Variants in RGS22 observed in about 807,000 individuals in gnomAD.
The protein encoded by RGS22 is regulator of G protein signaling 22.
RGS22 carries 148 observed loss-of-function variants against 172.9 expected under a neutral mutation model. The observed-to-expected ratio is 0.86, with a 90% CI of 0.75 to 0.98. The LOEUF (loss-of-function observed/expected upper bound fraction) is 0.98. Among genes scored for constraint, RGS22 ranks in the 50% least tolerant of loss-of-function variants. The probability of loss-of-function intolerance (pLI) is 0.00; values close to 1 mark genes in which losing one functional copy is unlikely to be tolerated. For synonymous variants in RGS22, 458 were observed against 480.2 expected (o/e 0.95, Z 0.60); for missense variants, 1,347 against 1,440.8 (o/e 0.93, Z 1.05).
intron 6 of RGS22, among the ~76,000 whole-genome samples, chr8:100,070,685 C>CA (rs35438970): frequency 1.2e-4 from 18 of 150,544 alleles, no homozygotes; most frequent in Middle Eastern, 3.4e-3. Flanking sequence ...GTAGTTATGC[C>CA]AAAAAAAAGA....
rs1181258270 is a variant in RGS22, at chr8:100,032,980, A to G, written c.2166+5951T>C. Among the ~76,000 whole-genome samples the G allele has an allele frequency of 5.9e-5, 9 of 152,324 alleles. No individual in the cohort carries two copies. In the South Asian group the frequency reaches 1.9e-3, roughly 32 times the overall value. The stretch of plus-strand genomic sequence containing the variant: ...TTCTTTGAAACCAATGAGAACAGAG[A>G]CACAATGTACCAGAATCTCTGGGAC... On this transcript the variant is annotated intron_variant, in intron 14 of 27. Transcript: ENST00000360863.
chr8:100,007,375 G>A (rs767629300), intron 15 of RGS22, among the ~76,000 whole-genome samples: 13 of 152,054 alleles, frequency 8.5e-5, no homozygotes, highest in Non-Finnish European at 1.6e-4. Context: ...GCCTCCACCC[G>A]TTAATAAAAT....
chr8:100,048,731 A>G (rs1820984089), intron 10 of RGS22, among the ~76,000 whole-genome samples: 1 of 152,144 alleles, frequency 6.6e-6, no homozygotes, highest in Non-Finnish European at 1.5e-5. Flanking sequence ...TATAAATGAG[A>G]GTTACCACAA....
chr8:99,999,270 T>G lies in RGS22; in HGVS notation c.2941A>C (p.Lys981Gln). Residue 981 changes from lysine (K) to glutamine (Q), a missense_variant, in exon 19 of 28, where the codon AAG becomes CAG. Lys to Gln is a moderately conservative substitution (Grantham distance 53). Transcript: ENST00000360863. Reference sequence around the variant, plus strand: ...TATACTAATTTATATACCTTTATCTTCTGACGTGCTGCAAACTGTTCACTT... The same window carrying G: ...TATACTAATTTATATACCTTTATCTGCTGACGTGCTGCAAACTGTTCACTT... ...LASEQFAARQ[K>Q]IKVQMKDIAE... 6.2e-7 allele frequency: 1 copy of G among 1,613,644 alleles called. No homozygotes were observed. The highest frequency in any genetic ancestry group is 8.5e-7 in the Non-Finnish European group (1 of 1,179,856).
chr8:99,966,927 A>C (rs1057273321), intron 23 of RGS22, among the ~76,000 whole-genome samples: 3 of 152,138 alleles, frequency 2.0e-5, no homozygotes, highest in Non-Finnish European at 4.4e-5. Flanking sequence ...TAGGTACCTC[A>C]TCTGGCAAGA....
At chr8:100,041,162 A>G (rs1024851642) in intron 12 of RGS22, among the ~76,000 whole-genome samples, 9 of 152,190 alleles carry the variant, frequency 5.9e-5, no homozygotes, top group African/African-American at 2.2e-4. Flanking sequence ...TTATCAGGGT[A>G]GCTGTACCAT....
At chr8:99,996,358 A>G (rs1249432966) in intron 20 of RGS22, 104 bp downstream of exon 20, 5 of 886,380 alleles carry the variant, frequency 5.6e-6, no homozygotes, top group Non-Finnish European at 9.1e-6. Context: ...AGTTTAGAAA[A>G]CAGTGTGTCC....
intron 3 of RGS22, among the ~76,000 whole-genome samples, chr8:100,089,795 A>G (rs989276693): frequency 1.3e-5 from 2 of 152,122 alleles, no homozygotes; most frequent in Non-Finnish European, 1.5e-5. Flanking sequence ...TCGGGATAAA[A>G]ACAAGACCAG....
chr8:100,015,474 G>T (rs1266035256), intron 14 of RGS22, among the ~76,000 whole-genome samples: 1 of 152,032 alleles, frequency 6.6e-6, no homozygotes, highest in African/African-American at 2.4e-5. Context: ...TGTATTTTTC[G>T]TAGAGACAGG....
At chr8:100,103,135 G>C (rs1341633669) in intron 2 of RGS22, among the ~76,000 whole-genome samples, 1 of 152,228 alleles carries the variant, frequency 6.6e-6, no homozygotes, top group Non-Finnish European at 1.5e-5. Flanking sequence ...GCCAGGGTAA[G>C]AGTGATAGGA....
chr8:99,981,386 C>T (rs1812531658), intron 22 of RGS22, among the ~76,000 whole-genome samples: 1 of 151,984 alleles, frequency 6.6e-6, no homozygotes. Context: ...TCTTGGGACA[C>T]ACATATTTTA....
chr8:99,981,945 C>G lies in RGS22; in HGVS notation c.3352G>C (p.Glu1118Gln), dbSNP rs747201392. Residue 1118 changes from glutamate to glutamine, a missense_variant, in exon 22 of 28, where the codon GAG (glutamate) becomes CAG (glutamine). Physicochemically the swap from Glu to Gln is conservative, Grantham distance 29. Transcript: ENST00000360863. ...RKELGPYVFR[E>Q]AQMTIFGVLF... ...ATGCCCTGATCTCTTACCTGTGCCT[C>G]TCTAAATACATATGGTCCTAACTCC... 6.2e-7 allele frequency: 1 copy of G among 1,610,972 alleles called. No individual in the cohort carries two copies. Among genetic ancestry groups the G allele is most frequent in the South Asian group, 1.1e-5 (1 of 90,462 alleles).
At chr8:100,060,050 A>G (rs889575774) in intron 9 of RGS22, among the ~76,000 whole-genome samples, 4 of 152,100 alleles carry the variant, frequency 2.6e-5, no homozygotes. Context: ...GTTTACAGTT[A>G]TCTTAAAATA....
intron 20 of RGS22, among the ~76,000 whole-genome samples, chr8:99,989,913 G>GAT (rs1359679582): frequency 6.6e-6 from 1 of 151,492 alleles, no homozygotes; most frequent in African/African-American, 2.4e-5. Flanking sequence ...GATATAGATA[G>GAT]ATAGATAGAC....
At chr8:99,968,480 C>T (rs1221153419) in intron 23 of RGS22, among the ~76,000 whole-genome samples, 1 of 152,006 alleles carries the variant, frequency 6.6e-6, no homozygotes, top group Non-Finnish European at 1.5e-5. Flanking sequence ...AAGCTAAGAA[C>T]ATTGACAAAA....
intron 3 of RGS22, among the ~76,000 whole-genome samples, chr8:100,088,232 C>A (rs971703171): frequency 1.3e-5 from 2 of 152,090 alleles, no homozygotes; most frequent in African/African-American, 4.8e-5. Context: ...AAAATTTCAA[C>A]AGCACATAAC....
chr8:100,057,491 C>T (rs561502802), intron 9 of RGS22, among the ~76,000 whole-genome samples: 4 of 152,160 alleles, frequency 2.6e-5, no homozygotes, highest in African/African-American at 9.6e-5. Context: ...GTAATAATTC[C>T]CATGGGTCAT....
At chr8:99,970,757 A>T (rs1811252127) in intron 23 of RGS22, among the ~76,000 whole-genome samples, 3 of 152,224 alleles carry the variant, frequency 2.0e-5, no homozygotes, top group South Asian at 4.1e-4. Flanking sequence ...GACTAAAAAA[A>T]GCCTAGGACC....
chr8:100,047,968 G>C (rs887098812), intron 10 of RGS22, among the ~76,000 whole-genome samples: 2 of 151,926 alleles, frequency 1.3e-5, no homozygotes, highest in African/African-American at 4.8e-5. Context: ...GTACTGGGGG[G>C]GGGTGCGGGT....
Sources: gnomAD v4.1 joint callset for allele counts (sites outside exome capture counted in the v4.1 genomes callset) on GRCh38, gnomAD v4.1.1 for gene constraint, MANE v1.5 for transcripts, NCBI Gene and HGNC (gene_info 2026-07-23, HGNC 2026-07-21) for gene names.